Variants in VARS1 observed in about 807,000 individuals in gnomAD.
VARS1 encodes valine--tRNA ligase.
VARS1 carries 92 observed loss-of-function variants against 161.0 expected under a neutral mutation model. The observed-to-expected ratio is 0.57, with a 90% CI of 0.48 to 0.68. VARS1 has a LOEUF of 0.68. VARS1 is among the 30% of genes least tolerant of loss of function. The pLI is 0.00. For missense variants in VARS1, 1,338 were observed against 1,695.9 expected, an observed-to-expected ratio of 0.79 and a Z score of 3.71; for synonymous variants, 595 against 682.5, an observed-to-expected ratio of 0.87 and a Z score of 2.00.
Position 31,792,876 on chromosome 6 carries a change from C to T in VARS1, c.542G>A (p.Arg181His), listed in dbSNP as rs144131888. ...PFRYVLDPPA[R>H]RIWNNVTRWF... ...GCGAGTCACATTATTCCAGATCCGG[C>T]GGGCAGGTGGGTCTAGGACCTGGAA... Residue 181 changes from arginine (R) to histidine (H), a missense_variant, in exon 4 of 30, where the codon CGC (arginine) becomes CAC (histidine). This residue lies in a region of VARS1 where 902 missense variants were observed against 1,090.3 expected (regional missense o/e 0.83). Transcript: ENST00000375663. 6.4e-4 allele frequency: 1,025 copies of T among 1,614,116 alleles called. 4 individuals are homozygous for T. The African/African-American group carries it at 9.7e-3, about 15-fold the overall frequency.
chr6:31,783,873 G>A (rs1451607523), intron 13 of VARS1, among the ~76,000 whole-genome samples: 1 of 152,164 alleles, frequency 6.6e-6, no homozygotes, highest in Non-Finnish European at 1.5e-5. Context: ...ATGTTGGCCA[G>A]GCTAGTCTCG....
At position 31,791,510 on chromosome 6, in the gene VARS1, G is replaced by A; in HGVS notation, c.1100+100C>T. ...GTAGCACCACTGGGGGCAGAAGTGAGCACCAACCCAGAAGGAGAGAGGCTC... is the reference window on the plus strand; with the variant it reads ...GTAGCACCACTGGGGGCAGAAGTGAACACCAACCCAGAAGGAGAGAGGCTC... On this transcript the variant is annotated intron_variant, in intron 8 of 29. Transcript: ENST00000375663. The surrounding 1 kb of genome is among the most constrained non-coding windows in gnomAD (Gnocchi z 5.0). 6 of 1,479,194 alleles carry A rather than the reference G, an allele frequency of 4.1e-6. No homozygotes were observed. Among genetic ancestry groups the A allele is most frequent in the Non-Finnish European group, 3.6e-6 (4 of 1,110,990 alleles). 91.6% of individuals were successfully genotyped at this position (1,479,194 alleles called of 1,614,324 possible).
At position 31,792,828 on chromosome 6, in the gene VARS1, T is replaced by C; in HGVS notation, c.590A>G (p.Gln197Arg). The C allele has an allele frequency of 6.2e-7, 1 of 1,614,208 alleles. No homozygotes were observed. Among genetic ancestry groups the C allele is most frequent in the South Asian group, 1.1e-5 (1 of 91,090 alleles). ...VTRWFVTCVRQPEFRAVLGEV... is the reference protein window; with the variant it reads ...VTRWFVTCVRRPEFRAVLGEV... ...TCCTAGCACGGCTCGGAATTCTGGC[T>C]GCCGGACACACGTGACAAACCAGCG... Residue 197 changes from glutamine to arginine, a missense_variant, in exon 4 of 30, where the codon CAG (glutamine) becomes CGG (arginine). Gln to Arg is a conservative substitution (Grantham distance 43). Coordinates refer to ENST00000375663, the MANE Select transcript of VARS1 (RefSeq NM_006295.3).
At chr6:31,790,175 C>T (rs1813777813) in intron 8 of VARS1, among the ~76,000 whole-genome samples, 1 of 151,468 alleles carries the variant, frequency 6.6e-6, no homozygotes, top group Admixed American at 6.6e-5. Context: ...AGGCTGCATT[C>T]AAAGCCGTCC....
At chr6:31,789,787 G>A (rs1195424733) in intron 8 of VARS1, among the ~76,000 whole-genome samples, 1 of 152,082 alleles carries the variant, frequency 6.6e-6, no homozygotes, top group Admixed American at 6.6e-5. Flanking sequence ...TTGGGAGTCC[G>A]AGGCGGGCGG....
intron 8 of VARS1, among the ~76,000 whole-genome samples, chr6:31,790,586 G>C (rs947305744): frequency 1.8e-5 from 1 of 56,440 alleles, no homozygotes; most frequent in African/African-American, 7.4e-5. Context: ...TGAGCAAAAA[G>C]AGTGAAACTC....
intron 14 of VARS1, 94 bp downstream of exon 14, chr6:31,783,002 C>G (rs1419598969): frequency 1.3e-6 from 2 of 1,547,516 alleles, no homozygotes; most frequent in African/African-American, 2.7e-5. Context: ...GTCTATTTGG[C>G]TGAAGCTTAT....
intron 8 of VARS1, among the ~76,000 whole-genome samples, chr6:31,787,062 CAAAAA>C (rs70990276): frequency 1.4e-5 from 1 of 70,860 alleles, no homozygotes. Flanking sequence ...CTAGTCTCTG[CAAAAA>C]AAAAAAAAAA....
In VARS1 at chr6:31,780,352, A is replaced by C; in HGVS notation, c.2925+89T>G. The C allele has an allele frequency of 1.3e-6, 2 of 1,556,052 alleles. No individual in the cohort carries two copies. Among genetic ancestry groups the C allele is most frequent in the East Asian group, 4.5e-5 (2 of 44,352 alleles). ...CCTTTAACTGTCTGTCTCTGTGTCT[A>C]TCTGTCCCCCCAGCTACATGGAGGC... is the stretch of plus-strand genomic sequence containing the variant. On this transcript the variant is annotated intron_variant, in intron 25 of 29. Coordinates refer to ENST00000375663, the MANE Select transcript of VARS1 (RefSeq NM_006295.3). The surrounding 1 kb of genome is among the most constrained non-coding windows in gnomAD (Gnocchi z 5.1).
chr6:31,777,597 C>A lies in VARS1; in HGVS notation c.3792G>T (p.Leu1264=), dbSNP rs760986654. The A allele has an allele frequency of 1.4e-5, 23 of 1,613,970 alleles. No individual in the cohort carries two copies. The South Asian group carries it at 2.4e-4, about 17-fold the overall frequency. The change falls in exon 30 of 30, where the codon CTG becomes CTT. Residue 1264 remains leucine (L), a synonymous_variant. Transcript: ENST00000375663. This position sits in a 1 kb window ranked among gnomAD's most constrained non-coding sequence, Gnocchi z 5.8. ...AGGGGTGAAGCTGGGTGGTGGATCA[C>A]AGCATCTTCTGGAATAGGGCGATGG... is the stretch of plus-strand genomic sequence containing the variant. ...DEAIALFQKM[L]
At position 31,783,182 on chromosome 6, in the gene VARS1, A is replaced by G. The variant is rs780275225; in HGVS notation, c.1676T>C (p.Leu559Pro). 3.1e-6 allele frequency: 5 copies of G among 1,612,326 alleles called. No individual in the cohort carries two copies. The highest frequency in any genetic ancestry group is 1.3e-5 in the African/African-American group (1 of 74,888). ...VHPKDTRYQH[L>P]KGKNVIHPFL... is the part of the protein sequence containing the mutation. ...TGGGTGGATCACGTTCTTCCCCTTC[A>G]GGTGCTGGGGGCGGAAAGATACCAA... The change falls in exon 14 of 30, where the codon CTG (leucine) becomes CCG (proline). Residue 559 changes from leucine to proline, a missense_variant. Transcript: ENST00000375663.
In VARS1 at chr6:31,795,447, G is replaced by A; in HGVS notation, c.-34+99C>T. On this transcript the variant is annotated intron_variant, in intron 1 of 29. Transcript: ENST00000375663. The surrounding 1 kb of genome is among the most constrained non-coding windows in gnomAD (Gnocchi z 6.9). ...GTGTCAGTGGGGAGTTCCTGGGGAA[G>A]AGGAACTATCCACCATCGCGGGGCT... is the stretch of plus-strand genomic sequence containing the variant. 2.5e-6 allele frequency: 1 copy of A among 396,816 alleles called. No homozygotes were observed. 24.6% of individuals were successfully genotyped at this position (396,816 alleles called of 1,614,324 possible). A position where few individuals can be genotyped will look rare whatever the true frequency, so the allele number is the denominator to read the frequency against.
chr6:31,781,580 G>A lies in VARS1; in HGVS notation c.2445C>T (p.Pro815=), dbSNP rs749953932. The change falls in exon 21 of 30, where the codon CCC becomes CCT. Residue 815 remains proline (P), a synonymous_variant. Transcript: ENST00000375663. This position sits in a 1 kb window ranked among gnomAD's most constrained non-coding sequence, Gnocchi z 6.8. ...NQSEDLSVFY[P]GTLLETGHDI... is the part of the protein sequence containing the mutation. ...CATGACCGGTCTCCAGCAGTGTCCCGGGGTAGAACACACTCAGGTCTTCTG... is the reference window on the plus strand; with the variant it reads ...CATGACCGGTCTCCAGCAGTGTCCCAGGGTAGAACACACTCAGGTCTTCTG... 8 of 1,612,894 alleles carry A rather than the reference G, an allele frequency of 5.0e-6. No individual in the cohort carries two copies. The highest frequency in any genetic ancestry group is 2.7e-5 in the African/African-American group (2 of 74,976).
Position 31,782,421 on chromosome 6 carries a change from G to A in VARS1, c.2014C>T (p.Pro672Ser), listed in dbSNP as rs2151421595. ...LCNRSKDVVE[P>S]LLRPQWYVRC... is the part of the protein sequence containing the mutation. The stretch of plus-strand genomic sequence containing the variant: ...ACGTACCACTGCGGCCGCAGCAGAG[G>A]CTCTACCACGTCCTTCGACCGGCTG... Residue 672 changes from proline (P) to serine (S), a missense_variant, in exon 17 of 30, where the codon CCT (proline) becomes TCT (serine). Transcript: ENST00000375663. The surrounding 1 kb of genome is among the most constrained non-coding windows in gnomAD (Gnocchi z 8.3). 1 of 1,612,332 alleles carries A rather than the reference G, an allele frequency of 6.2e-7. No individual in the cohort carries two copies. Among genetic ancestry groups the A allele is most frequent in the South Asian group, 1.1e-5 (1 of 90,974 alleles).
Position 31,778,637 on chromosome 6 carries a change from G to A in VARS1, c.3726+330C>T, listed in dbSNP as rs182438884. On this transcript the variant is annotated intron_variant, in intron 29 of 29. Transcript: ENST00000375663. The surrounding 1 kb of genome is among the most constrained non-coding windows in gnomAD (Gnocchi z 5.1). ...CAATCCGCCCACCTCAGCCCCCCGA[G>A]TAGCTGGGACCCCAAGTGTGTGCCA... Among the ~76,000 whole-genome samples the A allele has an allele frequency of 9.9e-4, 151 of 152,216 alleles. 1 individual carries two copies. The highest frequency in any genetic ancestry group is 7.2e-3 in the Admixed American group (110 of 15,290).
At chr6:31,783,664 C>CTTT (rs113840487) in intron 13 of VARS1, among the ~76,000 whole-genome samples, 5 of 142,796 alleles carry the variant, frequency 3.5e-5, no homozygotes, top group Admixed American at 7.0e-5. Flanking sequence ...CTCTATTTAA[C>CTTT]TTTTTTTTTT....
chr6:31,781,674 C>G lies in VARS1; in HGVS notation c.2418+17G>C. ...TCCAGTCCCCTGTCCCGCCAAGCCCCGGCCCCAGGAACACACCTGGTTGGG... is the reference window on the plus strand; with the variant it reads ...TCCAGTCCCCTGTCCCGCCAAGCCCGGGCCCCAGGAACACACCTGGTTGGG... On this transcript the variant is annotated intron_variant, in intron 20 of 29. Transcript: ENST00000375663. This position sits in a 1 kb window ranked among gnomAD's most constrained non-coding sequence, Gnocchi z 6.8. The G allele has an allele frequency of 6.2e-7, 1 of 1,612,992 alleles. No individual in the cohort carries two copies. Among genetic ancestry groups the G allele is most frequent in the Non-Finnish European group, 8.5e-7 (1 of 1,179,980 alleles).
chr6:31,779,079 T>G lies in VARS1; in HGVS notation c.3614A>C (p.Gln1205Pro). The G allele has an allele frequency of 6.2e-7, 1 of 1,612,364 alleles. No homozygotes were observed. Among genetic ancestry groups the G allele is most frequent in the Non-Finnish European group, 8.5e-7 (1 of 1,179,770 alleles). Residue 1205 changes from glutamine (Q) to proline (P), a missense_variant, in exon 29 of 30, where the codon CAA becomes CCA. Physicochemically the swap from Gln to Pro is moderately conservative, Grantham distance 76 (BLOSUM62 -1). Transcript: ENST00000375663. The surrounding 1 kb of genome is among the most constrained non-coding windows in gnomAD (Gnocchi z 9.1). ...CCGCTGGGCCTCAACTCGCTTGGCTTGCAGCTTGCCCAGCTCCCGTGCAGG... is the reference window on the plus strand; with the variant it reads ...CCGCTGGGCCTCAACTCGCTTGGCTGGCAGCTTGCCCAGCTCCCGTGCAGG... ...VDPARELGKL[Q>P]AKRVEAQRQA...
Position 31,785,646 on chromosome 6 carries a change from T to C in VARS1, c.1188A>G (p.Leu396=), listed in dbSNP as rs35756329. 29,407 of 1,612,990 alleles carry C rather than the reference T, an allele frequency of 0.018. 567 individuals carry two copies. The highest frequency in any genetic ancestry group is 0.085 in the East Asian group (3,826 of 44,884). ...IATQVVVEKK[L]WREQGLSRHQ... ...GCCGGCTCAGTCCCTGCTCACGCCATAGCTTCTTCTCCACCACCACCTGGG... is the reference window on the plus strand; with the variant it reads ...GCCGGCTCAGTCCCTGCTCACGCCACAGCTTCTTCTCCACCACCACCTGGG... Residue 396 remains leucine (L), a synonymous_variant, in exon 9 of 30, where the codon CTA becomes CTG. Transcript: ENST00000375663. The surrounding 1 kb of genome is among the most constrained non-coding windows in gnomAD (Gnocchi z 6.1).
Sources: gnomAD v4.1 joint callset for allele counts (sites outside exome capture counted in the v4.1 genomes callset) on GRCh38, gnomAD v4.1.1 for gene constraint, gnomAD v4.1.1 regional missense constraint, Gnocchi (gnomAD v3.1) non-coding constraint, MANE v1.5 for transcripts, NCBI Gene and HGNC (gene_info 2026-07-23, HGNC 2026-07-21) for gene names.